HERC1: variants seen among roughly 807,000 people sequenced by gnomAD.
HERC1 encodes probable E3 ubiquitin-protein ligase HERC1.
HERC1 carries 160 observed loss-of-function variants against 554.3 expected under a neutral mutation model. That is an observed-to-expected ratio of 0.29 (90% CI 0.25 to 0.33). The LOEUF is 0.33. Ranked by LOEUF, HERC1 falls within the 10% of genes least tolerant of loss-of-function variation. HERC1 has a pLI of 1.00. For missense variants in HERC1, 4,919 were observed against 5,918.5 expected (o/e 0.83, Z 5.54); for synonymous variants, 2,175 against 2,131.7 (o/e 1.02, Z -0.56).
At chr15:63,788,722 G>T (rs2076532426) in intron 1 of HERC1, among the ~76,000 whole-genome samples, 1 of 151,922 alleles carries the variant, frequency 6.6e-6, no homozygotes, top group South Asian at 2.1e-4. Context: ...TTCGAGACCG[G>T]CCTGACCAAC....
Position 63,655,933 on chromosome 15 carries a change from C to A in HERC1, c.9893G>T (p.Gly3298Val), listed in dbSNP as rs1359825078. Residue 3298 changes from glycine (G) to valine (V), a missense_variant, in exon 50 of 78, where the codon GGT becomes GTT. Gly to Val is a moderately radical substitution (Grantham distance 109). Coordinates refer to ENST00000443617, the MANE Select transcript of HERC1 (RefSeq NM_003922.4). ...CTQNLISAAT[G>V]VNLTTVDDSI... ...GTCATCAACTGTGGTTAGATTTACA[C>A]CTGTTGCAGCAGAAATCAAGTTCTG... The A allele has an allele frequency of 3.1e-6, 5 of 1,612,604 alleles. No homozygotes were observed. The highest frequency in any genetic ancestry group is 4.2e-6 in the Non-Finnish European group (5 of 1,179,222).
intron 27 of HERC1, among the ~76,000 whole-genome samples, chr15:63,695,197 G>C (rs1015066829): frequency 3.3e-5 from 5 of 151,374 alleles, no homozygotes; most frequent in Admixed American, 1.3e-4. Flanking sequence ...CACCACACTT[G>C]GCTAATTTTT....
intron 42 of HERC1, among the ~76,000 whole-genome samples, chr15:63,664,837 G>A (rs921562116): frequency 6.6e-5 from 10 of 152,134 alleles, no homozygotes; most frequent in African/African-American, 2.2e-4. Flanking sequence ...GTTTAATGAA[G>A]CTCAAATTTA....
chr15:63,618,269 TC>T, intron 74 of HERC1, among the ~76,000 whole-genome samples: 1 of 152,232 alleles, frequency 6.6e-6, no homozygotes, highest in Non-Finnish European at 1.5e-5. Context: ...GGGAATCCTT[TC>T]CCCATTTGTT....
chr15:63,741,354 C>T (rs1191147664), intron 12 of HERC1, among the ~76,000 whole-genome samples: 1 of 148,950 alleles, frequency 6.7e-6, no homozygotes, highest in Non-Finnish European at 1.5e-5. Flanking sequence ...GACAGAGTTT[C>T]ATTCTTGTCT....
chr15:63,628,322 G>A (rs985179287), intron 70 of HERC1, among the ~76,000 whole-genome samples: 3 of 152,098 alleles, frequency 2.0e-5, no homozygotes, highest in East Asian at 3.9e-4. Context: ...CCTGGGAGGC[G>A]GAGGCTGCAG....
intron 71 of HERC1, among the ~76,000 whole-genome samples, chr15:63,625,464 G>A (rs1015418782): frequency 1.3e-5 from 2 of 151,962 alleles, no homozygotes; most frequent in Non-Finnish European, 2.9e-5. Context: ...AGGTGGAGGT[G>A]GGGGGGATCA....
rs769847493 is a variant in HERC1, at chr15:63,753,094, A to G, written c.1775-9T>C. On this transcript the variant is annotated splice_polypyrimidine_tract_variant and intron_variant, in intron 7 of 77. Transcript: ENST00000443617. ...ACCATGACCAAGTTTACCTATAAAAACAAACACATTAAACAATTTACTTGT... is the reference window on the plus strand; with the variant it reads ...ACCATGACCAAGTTTACCTATAAAAGCAAACACATTAAACAATTTACTTGT... 1 of 1,580,642 alleles carries G rather than the reference A, an allele frequency of 6.3e-7. No individual in the cohort carries two copies. The highest frequency in any genetic ancestry group is 8.6e-7 in the Non-Finnish European group (1 of 1,161,996).
intron 3 of HERC1, among the ~76,000 whole-genome samples, chr15:63,761,575 C>G (rs1376083576): frequency 8.8e-6 from 1 of 114,072 alleles, no homozygotes; most frequent in Non-Finnish European, 1.8e-5. Context: ...GGCAACAGAG[C>G]AAGACTGTCT....
intron 19 of HERC1, among the ~76,000 whole-genome samples, 162 bp from the exon 20 acceptor site, chr15:63,719,059 T>A (rs141008934): frequency 3.3e-5 from 5 of 152,326 alleles, no homozygotes; most frequent in African/African-American, 1.2e-4. Context: ...CCAAGCGCTG[T>A]GGATATAGCA....
chr15:63,644,773 C>G (rs993260575), intron 57 of HERC1, among the ~76,000 whole-genome samples: 1 of 152,172 alleles, frequency 6.6e-6, no homozygotes, highest in Admixed American at 6.5e-5. Flanking sequence ...GTAACAGTCA[C>G]CACTTAATAT....
intron 1 of HERC1, among the ~76,000 whole-genome samples, chr15:63,779,269 A>T (rs2076208578): frequency 6.6e-6 from 1 of 152,172 alleles, no homozygotes; most frequent in African/African-American, 2.4e-5. Context: ...AAGGTACTTG[A>T]GAAAATTAAC....
chr15:63,787,615 T>C (rs1367582053), intron 1 of HERC1, among the ~76,000 whole-genome samples: 2 of 152,040 alleles, frequency 1.3e-5, no homozygotes, highest in Non-Finnish European at 2.9e-5. Flanking sequence ...CAAACTATTA[T>C]AGAGCCAGAC....
At chr15:63,662,875 A>G in intron 44 of HERC1, 109 bp downstream of exon 44, 1 of 765,720 alleles carries the variant, frequency 1.3e-6, no homozygotes, top group Non-Finnish European at 2.1e-6. Context: ...GGATGAGATA[A>G]AAGACTTTTT....
At chr15:63,689,482 G>C in intron 33 of HERC1, 107 bp downstream of exon 33, 1 of 608,680 alleles carries the variant, frequency 1.6e-6, no homozygotes, top group Non-Finnish European at 2.9e-6. Flanking sequence ...GAGAGGAAAT[G>C]GAATAAATGA....
intron 60 of HERC1, 133 bp downstream of exon 60, chr15:63,641,337 C>T: frequency 1.5e-6 from 1 of 651,502 alleles, no homozygotes; most frequent in Non-Finnish European, 2.4e-6. Flanking sequence ...GACTTACCTT[C>T]ATTTGATTCT....
chr15:63,652,591 T>A, intron 51 of HERC1, 50 bp from the exon 52 acceptor site: 3 of 1,406,380 alleles, frequency 2.1e-6, no homozygotes, highest in Non-Finnish European at 2.9e-6. Context: ...CAAATGATTT[T>A]ATTATTTGAA....
intron 38 of HERC1, among the ~76,000 whole-genome samples, chr15:63,673,926 T>C (rs1017475805): frequency 6.6e-6 from 1 of 152,220 alleles, no homozygotes; most frequent in African/African-American, 2.4e-5. Context: ...GGTTTCACCA[T>C]GTTGGCCAGG....
In HERC1 at chr15:63,663,179, G is replaced by A. The variant is rs1485055196; in HGVS notation, c.8706C>T (p.Ala2902=). 1 of 1,613,810 alleles carries A rather than the reference G, an allele frequency of 6.2e-7. No individual in the cohort carries two copies. Among genetic ancestry groups the A allele is most frequent in the Non-Finnish European group, 8.5e-7 (1 of 1,179,838 alleles). ...RAAGLYRSVQ[A]HRNQSRREGI... is the part of the protein sequence containing the mutation. ...CTTCTCTCCGACTTTGATTCCTGTG[G>A]GCCTGCACAGAGCGGTATAATCCCG... The change falls in exon 44 of 78, where the codon GCC becomes GCT. Residue 2902 remains alanine, a synonymous_variant. Coordinates refer to ENST00000443617, the MANE Select transcript of HERC1 (RefSeq NM_003922.4).
Sources: allele counts gnomAD v4.1 joint callset (sites outside exome capture counted in the v4.1 genomes callset), GRCh38; gene constraint gnomAD v4.1.1; transcripts MANE v1.5; gene names NCBI Gene and HGNC (gene_info 2026-07-23, HGNC 2026-07-21).